Variants in GAK observed in about 807,000 individuals in gnomAD.
GAK encodes the protein cyclin G associated kinase.
In GAK, 79 loss-of-function variants were observed where a neutral mutation model predicts 143.9. The observed-to-expected ratio is 0.55, with a 90% CI of 0.46 to 0.66. The LOEUF is 0.66. GAK is among the 30% of genes least tolerant of loss of function. The pLI is 0.00. For missense variants in GAK, 1,693 were observed against 1,779.7 expected, an observed-to-expected ratio of 0.95 and a Z score of 0.88; for synonymous variants, 881 against 765.5, an observed-to-expected ratio of 1.15 and a Z score of -2.49.
At chr4:899,884 C>T (rs1433267471) in intron 5 of GAK, among the ~76,000 whole-genome samples, 1 of 152,218 alleles carries the variant, frequency 6.6e-6, no homozygotes, top group Non-Finnish European at 1.5e-5. Context: ...CCATGGCCGA[C>T]CAGAGAAACC....
intron 24 of GAK, among the ~76,000 whole-genome samples, chr4:858,569 C>T (rs1476040473): frequency 6.6e-6 from 1 of 152,192 alleles, no homozygotes; most frequent in Non-Finnish European, 1.5e-5. Flanking sequence ...AAAACCACAC[C>T]GACAGAAACG....
chr4:858,868 A>T (rs565252263), intron 24 of GAK, among the ~76,000 whole-genome samples: 37 of 152,352 alleles, frequency 2.4e-4, no homozygotes, highest in Middle Eastern at 3.4e-3. Flanking sequence ...GAGCAGGAGC[A>T]GATGCCATAG....
chr4:877,137 C>T lies in GAK; in HGVS notation c.1927G>A (p.Val643Ile), dbSNP rs145777066. 4.4e-5 allele frequency: 71 copies of T among 1,613,892 alleles called. No individual in the cohort carries two copies. The highest frequency in any genetic ancestry group is 3.3e-4 in the South Asian group (30 of 91,074). The change falls in exon 17 of 28, where the codon GTC becomes ATC. Residue 643 changes from valine to isoleucine, a missense_variant. Around this residue, in one of 2 missense-constraint regions of GAK, gnomAD observed 871 missense variants for 991.0 expected, o/e 0.88. Transcript: ENST00000314167. ...AGAGTGGACCGGGCGTGATAGATGA[C>T]GATGAGCACGTCTCCTTGCACCGTG... is the stretch of plus-strand genomic sequence containing the variant. ...GVTVQGDVLI[V>I]IYHARSTLGG...
chr4:909,566 C>CA (rs1427447322), intron 4 of GAK, among the ~76,000 whole-genome samples: 1 of 152,004 alleles, frequency 6.6e-6, no homozygotes, highest in African/African-American at 2.4e-5. Flanking sequence ...AAGGGCCCAG[C>CA]ACGGACCACA....
chr4:881,745 C>T (rs1162364416), intron 15 of GAK, among the ~76,000 whole-genome samples, 162 bp downstream of exon 15: 9 of 152,370 alleles, frequency 5.9e-5, no homozygotes, highest in East Asian at 1.9e-4. Flanking sequence ...GCTCTGCGGC[C>T]GTAAGCCCAG....
chr4:878,303 C>T (rs1714405790), intron 15 of GAK, among the ~76,000 whole-genome samples: 2 of 151,486 alleles, frequency 1.3e-5, no homozygotes, highest in Admixed American at 1.3e-4. Flanking sequence ...GGCAGGAGAA[C>T]TGCTTAAACC....
chr4:927,107 C>T (rs1365367908), intron 1 of GAK, among the ~76,000 whole-genome samples: 8 of 83,810 alleles, frequency 9.5e-5, no homozygotes, highest in Non-Finnish European at 1.7e-4. Flanking sequence ...CCGCACCCCT[C>T]CCCGCTCACC....
In GAK at chr4:858,964, C is replaced by T. The variant is rs374453385; in HGVS notation, c.3283+642G>A. Among the ~76,000 whole-genome samples the T allele has an allele frequency of 1.9e-3, 293 of 152,362 alleles. 10 individuals are homozygous for T. The South Asian group carries it at 0.057, about 29-fold the overall frequency. On this transcript the variant is annotated intron_variant, in intron 24 of 27. Transcript: ENST00000314167. ...AGCCACTTCCCACCCAGCATTCCAC[C>T]CGACGGCCAGGCAAGTGCAAGGGAG...
At position 890,640 on chromosome 4, in the gene GAK, CAG is replaced by C. The variant is rs1425184320; in HGVS notation, c.991-20_991-19del. 15 of 1,600,024 alleles carry C rather than the reference CAG, an allele frequency of 9.4e-6. No homozygotes were observed. Among genetic ancestry groups the C allele is most frequent in the Non-Finnish European group, 1.3e-5 (15 of 1,173,652 alleles). On this transcript the variant is annotated intron_variant, in intron 9 of 27. Coordinates refer to ENST00000314167, the MANE Select transcript of GAK (RefSeq NM_005255.4). Reference sequence around the variant, plus strand: ...TCCAGGAGCTGTGACAATGAAAATGCAGAGGTCAGTTCTCTAAACTGACAACT... The same window carrying C: ...TCCAGGAGCTGTGACAATGAAAATGCAGGTCAGTTCTCTAAACTGACAACT...
chr4:851,884 G>A lies in GAK; in HGVS notation c.3374C>T (p.Pro1125Leu). ...AGGGGGCCATGAGGCGCCCTGGGCT[G>A]GCGGCCGACTTGTCTGCCAGGAGCT... ...GSSSWQTSRP[P>L]AQGASWPPQA... Residue 1125 changes from proline to leucine, a missense_variant, in exon 25 of 28, where the codon CCA (proline) becomes CTA (leucine). Coordinates refer to ENST00000314167, the MANE Select transcript of GAK (RefSeq NM_005255.4). The A allele has an allele frequency of 6.2e-7, 1 of 1,611,084 alleles. No homozygotes were observed. The highest frequency in any genetic ancestry group is 8.5e-7 in the Non-Finnish European group (1 of 1,178,020).
At chr4:854,816 C>T (rs1248347232) in intron 24 of GAK, among the ~76,000 whole-genome samples, 6 of 152,134 alleles carry the variant, frequency 3.9e-5, no homozygotes, top group South Asian at 2.1e-4. Context: ...GAGGCCGAGG[C>T]GGGCGGATCA....
intron 24 of GAK, chr4:852,317 G>C: frequency 2.7e-6 from 1 of 366,076 alleles, no homozygotes. Flanking sequence ...CAGGAGCCAA[G>C]GCAGACCCGG....
rs568845310 is a variant in GAK at position 849,607 on chromosome 4, G to T, written c.*66C>A. 1 of 1,317,068 alleles carries T rather than the reference G, an allele frequency of 7.6e-7. No homozygotes were observed. Among genetic ancestry groups the T allele is most frequent in the Admixed American group, 1.9e-5 (1 of 52,548 alleles). 81.6% of individuals were successfully genotyped at this position (1,317,068 alleles called of 1,614,324 possible). On this transcript the variant is annotated 3_prime_UTR_variant, in exon 28 of 28. Transcript: ENST00000314167. ...TGTCGCCCACGGGGTCCTCACGGTG[G>T]GGACCCAGGTCCCACGACGGCTCCC... is the stretch of plus-strand genomic sequence containing the variant.
At chr4:882,901 C>T in intron 13 of GAK, 82 bp from the exon 14 acceptor site, 3 of 1,551,574 alleles carry the variant, frequency 1.9e-6, no homozygotes, top group Non-Finnish European at 2.6e-6. Context: ...AGCCTGCCTG[C>T]AGTGCGGGGG....
intron 4 of GAK, among the ~76,000 whole-genome samples, chr4:907,187 C>T (rs1721232558): frequency 6.6e-6 from 1 of 152,206 alleles, no homozygotes; most frequent in Non-Finnish European, 1.5e-5. Flanking sequence ...AATCGACTCA[C>T]AGACCGGACC....
At chr4:862,336 A>C (rs1251323173) in intron 23 of GAK, among the ~76,000 whole-genome samples, 2 of 152,192 alleles carry the variant, frequency 1.3e-5, no homozygotes, top group African/African-American at 4.8e-5. Flanking sequence ...CAGACTCTCC[A>C]TGCAGATATA....
intron 15 of GAK, among the ~76,000 whole-genome samples, chr4:878,157 A>C (rs2152799944): frequency 6.6e-6 from 1 of 152,246 alleles, no homozygotes; most frequent in South Asian, 2.1e-4. Context: ...TTGGGAGGCC[A>C]AGGCAGGTGG....
intron 5 of GAK, among the ~76,000 whole-genome samples, chr4:899,147 GA>G (rs1408825880): frequency 6.6e-6 from 1 of 152,248 alleles, no homozygotes; most frequent in Non-Finnish European, 1.5e-5. Flanking sequence ...CATGTGGAAC[GA>G]AAGGAGAAAG....
chr4:913,478 G>C (rs1258223771), intron 2 of GAK, 129 bp downstream of exon 2: 21 of 739,240 alleles, frequency 2.8e-5, no homozygotes, highest in Non-Finnish European at 4.7e-5. Context: ...AGAAGCAAAA[G>C]GGACAAGTAT....
Sources: allele counts gnomAD v4.1 joint callset (sites outside exome capture counted in the v4.1 genomes callset), GRCh38; gene constraint gnomAD v4.1.1; regional missense constraint gnomAD v4.1.1; transcripts MANE v1.5; gene names NCBI Gene and HGNC (gene_info 2026-07-23, HGNC 2026-07-21).